Variants in DOCK4 observed in about 807,000 individuals in gnomAD.
DOCK4 encodes the protein dedicator of cytokinesis 4, also known as dedicator of cytokinesis protein 4.
Under a neutral mutation model 268.1 loss-of-function variants are expected in DOCK4, and 97 were observed. That is an observed-to-expected ratio of 0.36 (90% confidence interval 0.31 to 0.43). The LOEUF (loss-of-function observed/expected upper bound fraction) is 0.43. Among genes scored for constraint, DOCK4 ranks in the 20% least tolerant of loss-of-function variants. The pLI is 1.00. For missense variants in DOCK4, 2,145 were observed against 2,455.7 expected, an observed-to-expected ratio of 0.87 and a Z score of 2.67; for synonymous variants, 954 against 887.2, an observed-to-expected ratio of 1.08 and a Z score of -1.34.
chr7:111,886,432 G>C (rs1414884979), intron 16 of DOCK4, among the ~76,000 whole-genome samples: 4 of 152,188 alleles, frequency 2.6e-5, no homozygotes, highest in African/African-American at 9.7e-5. Context: ...CTGCATGTCT[G>C]ATCTCCACAC....
At chr7:111,898,148 C>T (rs1414048216) in intron 15 of DOCK4, among the ~76,000 whole-genome samples, 1 of 152,142 alleles carries the variant, frequency 6.6e-6, no homozygotes, top group Non-Finnish European at 1.5e-5. Flanking sequence ...AAATAAAATG[C>T]ACAGTCCTCA....
intron 16 of DOCK4, among the ~76,000 whole-genome samples, chr7:111,885,403 T>C (rs896651984): frequency 6.6e-6 from 1 of 152,184 alleles, no homozygotes; most frequent in Non-Finnish European, 1.5e-5. Flanking sequence ...CCAAACCCAG[T>C]GAAGGCATGG....
chr7:112,154,967 C>T (rs1816477551), intron 1 of DOCK4, among the ~76,000 whole-genome samples: 1 of 152,162 alleles, frequency 6.6e-6, no homozygotes, highest in African/African-American at 2.4e-5. Context: ...GACATATGCA[C>T]AGCACACCAC....
chr7:112,193,347 G>C (rs1820142379), intron 1 of DOCK4, among the ~76,000 whole-genome samples: 1 of 151,762 alleles, frequency 6.6e-6, no homozygotes, highest in African/African-American at 2.4e-5. Context: ...TGTAATCCTA[G>C]CACTTTGAGA....
At chr7:111,734,597 T>C (rs568103964) in intron 51 of DOCK4, among the ~76,000 whole-genome samples, 3 of 152,218 alleles carry the variant, frequency 2.0e-5, no homozygotes, top group Non-Finnish European at 2.9e-5. Flanking sequence ...TAACTATGGA[T>C]ACAAAGTTAA....
Position 111,755,554 on chromosome 7 carries a change from A to C in DOCK4, c.4377T>G (p.Pro1459=), listed in dbSNP as rs1003729244. The C allele has an allele frequency of 5.0e-6, 8 of 1,613,800 alleles. No individual in the cohort carries two copies. The highest frequency in any genetic ancestry group is 6.8e-6 in the Non-Finnish European group (8 of 1,179,890). ...CCACTTCAAACCAGCGAGAGATGCC[A>C]GGCAAACTCTGCACCAAGTATAATG... ...RTSLYLVQSL[P]GISRWFEVEK... Residue 1459 remains proline (P), a synonymous_variant, in exon 42 of 53, where the codon CCT becomes CCG. Transcript: ENST00000428084.
chr7:111,865,008 G>T (rs1029714459), intron 22 of DOCK4, among the ~76,000 whole-genome samples: 2 of 152,230 alleles, frequency 1.3e-5, no homozygotes, highest in African/African-American at 4.8e-5. Context: ...GATGAGGGGA[G>T]GAAGACGGCT....
intron 1 of DOCK4, among the ~76,000 whole-genome samples, chr7:112,194,854 T>C (rs1443116778): frequency 6.6e-6 from 1 of 152,252 alleles, no homozygotes; most frequent in Non-Finnish European, 1.5e-5. Flanking sequence ...CTACATAGTG[T>C]ATACATGATA....
intron 1 of DOCK4, among the ~76,000 whole-genome samples, chr7:112,110,429 A>T (rs1811548648): frequency 6.6e-6 from 1 of 152,218 alleles, no homozygotes; most frequent in Admixed American, 6.5e-5. Flanking sequence ...CTTCAGAGAC[A>T]TGACTAGGTA....
chr7:112,173,968 C>G (rs1455466213), intron 1 of DOCK4, among the ~76,000 whole-genome samples: 1 of 152,098 alleles, frequency 6.6e-6, no homozygotes, highest in African/African-American at 2.4e-5. Flanking sequence ...CAGAGATGAC[C>G]ACTTCAGCCT....
intron 36 of DOCK4, among the ~76,000 whole-genome samples, chr7:111,774,127 A>T (rs1798299580): frequency 6.6e-6 from 1 of 152,210 alleles, no homozygotes; most frequent in South Asian, 2.1e-4. Context: ...ATATAACCAT[A>T]TAATATGCAA....
chr7:111,758,725 G>C lies in DOCK4; in HGVS notation c.4228C>G (p.Pro1410Ala), dbSNP rs1311192975. ...TTATAGAAGCTTTTGATGTTGTCCG[G>C]AACACCCTCTCTCTGCAGGACCTCC... ...SQEVLQREGV[P>A]DNIKSFYKVN... Residue 1410 changes from proline to alanine, a missense_variant, in exon 41 of 53, where the codon CCG becomes GCG. Pro to Ala is a conservative substitution (Grantham distance 27). Coordinates refer to ENST00000428084, the MANE Select transcript of DOCK4 (RefSeq NM_001363540.2). The C allele has an allele frequency of 5.6e-6, 9 of 1,613,794 alleles. No individual in the cohort carries two copies. The highest frequency in any genetic ancestry group is 7.6e-6 in the Non-Finnish European group (9 of 1,179,880).
intron 15 of DOCK4, 79 bp from the exon 16 acceptor site, chr7:111,895,797 G>C: frequency 7.5e-7 from 1 of 1,337,446 alleles, no homozygotes; most frequent in Non-Finnish European, 1.1e-6. Flanking sequence ...TAATCATCGA[G>C]AAATATAACT....
chr7:111,841,098 C>A (rs1472091338), intron 25 of DOCK4, among the ~76,000 whole-genome samples: 2 of 152,130 alleles, frequency 1.3e-5, no homozygotes, highest in Non-Finnish European at 2.9e-5. Context: ...AACACCTTTA[C>A]AGATTTGATG....
chr7:112,150,618 C>A (rs1272408259), intron 1 of DOCK4, among the ~76,000 whole-genome samples: 1 of 152,112 alleles, frequency 6.6e-6, no homozygotes, highest in Non-Finnish European at 1.5e-5. Context: ...CAGATCTTCC[C>A]CGAGGTGGCT....
intron 1 of DOCK4, among the ~76,000 whole-genome samples, chr7:112,183,480 C>G (rs1819231312): frequency 6.6e-6 from 1 of 152,204 alleles, no homozygotes; most frequent in Non-Finnish European, 1.5e-5. Flanking sequence ...TAGCTGAAAA[C>G]AGTAAACACA....
intron 12 of DOCK4, among the ~76,000 whole-genome samples, chr7:111,921,205 T>C (rs1186497385): frequency 1.3e-5 from 2 of 152,206 alleles, no homozygotes; most frequent in Non-Finnish European, 2.9e-5. Flanking sequence ...ATACTTAACA[T>C]TTAATTTTAA....
intron 1 of DOCK4, among the ~76,000 whole-genome samples, chr7:112,089,035 C>A (rs918431289): frequency 6.6e-6 from 1 of 152,004 alleles, no homozygotes; most frequent in African/African-American, 2.4e-5. Flanking sequence ...ATATAAAATA[C>A]CTAATTAATA....
chr7:111,976,303 ATATATATATATATATGAG>A (rs1798204296), intron 8 of DOCK4, among the ~76,000 whole-genome samples: 1 of 83,328 alleles, frequency 1.2e-5, no homozygotes, highest in Non-Finnish European at 2.4e-5. Context: ...ATATATATAT[ATATATATATATATATGAG>A]ACTCGGTATT....
Sources: allele counts gnomAD v4.1 joint callset (sites outside exome capture counted in the v4.1 genomes callset), GRCh38; gene constraint gnomAD v4.1.1; transcripts MANE v1.5; gene names NCBI Gene and HGNC (gene_info 2026-07-23, HGNC 2026-07-21).